LRRC4C: variants seen among roughly 807,000 people sequenced by gnomAD.
The protein encoded by LRRC4C is leucine-rich repeat-containing protein 4C.
In LRRC4C, 5 loss-of-function variants were observed where a neutral mutation model predicts 33.6. That is an observed-to-expected ratio of 0.15 (90% confidence interval 0.08 to 0.31). LRRC4C has a LOEUF of 0.31. Among genes scored for constraint, LRRC4C ranks in the 10% least tolerant of loss-of-function variants. The probability of loss-of-function intolerance (pLI) is 1.00; values close to 1 mark genes in which losing one functional copy is unlikely to be tolerated. For synonymous variants in LRRC4C, 329 were observed against 302.0 expected (o/e 1.09, Z -0.93); for missense variants, 560 against 796.7 (o/e 0.70, Z 3.58).
rs561988742 is a variant in LRRC4C, at chr11:40,649,084, C to T, written c.-406-806G>A. 2.4e-4 allele frequency among the ~76,000 whole-genome samples: 36 copies of T among 152,290 alleles called. 1 individual carries two copies. In the South Asian group the frequency reaches 4.6e-3, roughly 19 times the overall value. On this transcript the variant is annotated intron_variant, in intron 2 of 6. Transcript: ENST00000528697. The stretch of plus-strand genomic sequence containing the variant: ...CAGGACAAAAGGCAAAACAAAACTA[C>T]TGATAAAGGTCTGTGTTCAGCTGTG...
At chr11:41,364,973 G>A (rs949415037) in intron 1 of LRRC4C, among the ~76,000 whole-genome samples, 4 of 151,238 alleles carry the variant, frequency 2.6e-5, no homozygotes, top group Non-Finnish European at 5.9e-5. Flanking sequence ...ACCATGGAGT[G>A]TGTGTGTGTG....
chr11:40,898,366 A>AAAAAAAAAAAAAAAAAAAAAAAAAAG, intron 2 of LRRC4C, among the ~76,000 whole-genome samples: 1 of 117,458 alleles, frequency 8.5e-6, no homozygotes, highest in Middle Eastern at 5.6e-3. Flanking sequence ...AAAAAAAAAA[A>AAAAAAAAAAAAAAAAAAAAAAAAAAG]AAAAAAGAAA....
chr11:40,656,622 A>G (rs1296629174), intron 2 of LRRC4C, among the ~76,000 whole-genome samples: 1 of 152,176 alleles, frequency 6.6e-6, no homozygotes, highest in Non-Finnish European at 1.5e-5. Context: ...GGAAATTTAC[A>G]AACCTTCTGT....
chr11:40,865,816 C>T (rs1406259700), intron 2 of LRRC4C, among the ~76,000 whole-genome samples: 1 of 151,424 alleles, frequency 6.6e-6, no homozygotes, highest in Non-Finnish European at 1.5e-5. Context: ...AAAGATTAAA[C>T]TGCATATTAT....
intron 4 of LRRC4C, among the ~76,000 whole-genome samples, chr11:40,243,220 A>T (rs1159094862): frequency 6.6e-6 from 1 of 152,176 alleles, no homozygotes; most frequent in African/African-American, 2.4e-5. Flanking sequence ...AAAAAGGTAA[A>T]TTTCTACACT....
intron 1 of LRRC4C, among the ~76,000 whole-genome samples, chr11:40,953,631 A>C (rs757671971): frequency 5.3e-5 from 8 of 151,872 alleles, no homozygotes; most frequent in Non-Finnish European, 1.0e-4. Flanking sequence ...GATACTATGA[A>C]TACTTAAATG....
chr11:41,226,551 C>T (rs917801730), intron 1 of LRRC4C, among the ~76,000 whole-genome samples: 3 of 152,124 alleles, frequency 2.0e-5, no homozygotes. Context: ...AGTTCAACTT[C>T]TTTCTAATCT....
intron 3 of LRRC4C, among the ~76,000 whole-genome samples, chr11:40,507,171 AAGTT>A: frequency 6.6e-6 from 1 of 152,236 alleles, no homozygotes; most frequent in East Asian, 1.9e-4. Flanking sequence ...TCCACATAAA[AAGTT>A]AGAATTTCTT....
intron 1 of LRRC4C, among the ~76,000 whole-genome samples, chr11:41,085,380 A>G (rs1008145373): frequency 6.6e-6 from 1 of 152,186 alleles, no homozygotes; most frequent in South Asian, 2.1e-4. Flanking sequence ...TCAAACAAGT[A>G]TATCTCTCTT....
intron 1 of LRRC4C, among the ~76,000 whole-genome samples, chr11:41,201,693 A>T (rs1946403412): frequency 6.6e-6 from 1 of 152,206 alleles, no homozygotes; most frequent in Admixed American, 6.5e-5. Flanking sequence ...AATATTTTTG[A>T]CACTTTAATA....
At chr11:41,361,291 C>G (rs952968908) in intron 1 of LRRC4C, among the ~76,000 whole-genome samples, 2 of 152,144 alleles carry the variant, frequency 1.3e-5, no homozygotes, top group African/African-American at 2.4e-5. Flanking sequence ...AAAAATATGT[C>G]AAATCCAGAC....
chr11:40,911,946 G>C (rs190370225), intron 2 of LRRC4C, among the ~76,000 whole-genome samples: 48 of 152,302 alleles, frequency 3.2e-4, no homozygotes, highest in African/African-American at 1.0e-3. Flanking sequence ...AAAGGTATCA[G>C]TGATGGAAGA....
intron 1 of LRRC4C, among the ~76,000 whole-genome samples, chr11:41,429,974 C>A (rs2138411797): frequency 6.6e-6 from 1 of 152,140 alleles, no homozygotes; most frequent in South Asian, 2.1e-4. Context: ...ATCAATCATG[C>A]CAGTTAAAGA....
intron 3 of LRRC4C, among the ~76,000 whole-genome samples, chr11:40,453,824 T>G (rs1785539765): frequency 6.6e-6 from 1 of 152,294 alleles, no homozygotes; most frequent in South Asian, 2.1e-4. Flanking sequence ...TCACTGTACA[T>G]TGGTACCACA....
chr11:41,214,870 A>C (rs1946986121), intron 1 of LRRC4C, among the ~76,000 whole-genome samples: 1 of 147,360 alleles, frequency 6.8e-6, no homozygotes, highest in Non-Finnish European at 1.5e-5. Context: ...ATTGTGGTTC[A>C]CTTAGCTAAA....
intron 1 of LRRC4C, among the ~76,000 whole-genome samples, chr11:41,324,802 A>G (rs1951058818): frequency 6.6e-6 from 1 of 152,152 alleles, no homozygotes; most frequent in African/African-American, 2.4e-5. Context: ...AGCTGTGTAC[A>G]CCTATGAATG....
intron 1 of LRRC4C, among the ~76,000 whole-genome samples, chr11:41,375,329 G>T (rs1952898785): frequency 6.6e-6 from 1 of 152,066 alleles, no homozygotes; most frequent in African/African-American, 2.4e-5. Flanking sequence ...ACATACGTAA[G>T]TACAATTTCC....
At chr11:40,158,490 C>T (rs576740412) in intron 5 of LRRC4C, among the ~76,000 whole-genome samples, 3 of 151,062 alleles carry the variant, frequency 2.0e-5, no homozygotes, top group Admixed American at 1.3e-4. Flanking sequence ...GTCTTTAGTC[C>T]CTAAGAACAA....
At chr11:40,194,889 C>T (rs958505588) in intron 5 of LRRC4C, among the ~76,000 whole-genome samples, 1 of 151,742 alleles carries the variant, frequency 6.6e-6, no homozygotes, top group Non-Finnish European at 1.5e-5. Context: ...GAGATCCAGA[C>T]CATCCTGGCT....
Sources: gnomAD v4.1 joint callset for allele counts (sites outside exome capture counted in the v4.1 genomes callset) on GRCh38, gnomAD v4.1.1 for gene constraint, MANE v1.5 for transcripts, NCBI Gene and HGNC (gene_info 2026-07-23, HGNC 2026-07-21) for gene names.